The following CTXND2 variants were observed in gnomAD, a reference collection of about 807,000 sequenced individuals.
CTXND2 encodes the protein cortexin domain containing 2.
At chr1:150,899,494 G>C (rs1668964552) in intron 1 of CTXND2, among the ~76,000 whole-genome samples, 2 of 151,988 alleles carry the variant, frequency 1.3e-5, no homozygotes, top group South Asian at 2.1e-4. Flanking sequence ...AAATGGAAAA[G>C]AATGAAACCA....
chr1:150,903,294 T>A (rs1387538809), intron 1 of CTXND2, among the ~76,000 whole-genome samples: 4 of 152,028 alleles, frequency 2.6e-5, no homozygotes, highest in African/African-American at 9.7e-5. Flanking sequence ...TATAATTTTA[T>A]TATAAGTACT....
At chr1:150,892,805 C>G (rs1668870120) in intron 1 of CTXND2, among the ~76,000 whole-genome samples, 1 of 152,122 alleles carries the variant, frequency 6.6e-6, no homozygotes, top group Non-Finnish European at 1.5e-5. Context: ...TCCCAAAGTG[C>G]TAGGACTACG....
chr1:150,894,562 T>C (rs1414353653), intron 1 of CTXND2, among the ~76,000 whole-genome samples: 1 of 152,218 alleles, frequency 6.6e-6, no homozygotes, highest in African/African-American at 2.4e-5. Flanking sequence ...ATGCATATAA[T>C]GTATTTATTT....
At chr1:150,900,332 A>C (rs1668987345) in intron 1 of CTXND2, among the ~76,000 whole-genome samples, 1 of 152,070 alleles carries the variant, frequency 6.6e-6, no homozygotes, top group Admixed American at 6.6e-5. Context: ...TTCACTCCTA[A>C]AGTCAAGCAA....
intron 1 of CTXND2, among the ~76,000 whole-genome samples, chr1:150,911,294 C>T (rs996861414): frequency 2.0e-5 from 3 of 151,790 alleles, no homozygotes; most frequent in Admixed American, 2.0e-4. Context: ...TGTCTTTGTA[C>T]CAGTACCATA....
intron 1 of CTXND2, among the ~76,000 whole-genome samples, chr1:150,902,569 C>A (rs1669059388): frequency 1.3e-5 from 2 of 152,016 alleles, no homozygotes; most frequent in East Asian, 3.9e-4. Flanking sequence ...TGAGATTCAT[C>A]ACCTATAGGA....
intron 1 of CTXND2, among the ~76,000 whole-genome samples, chr1:150,902,404 CAA>C (rs796914143): frequency 5.6e-5 from 7 of 124,014 alleles, no homozygotes; most frequent in Admixed American, 8.3e-5. Flanking sequence ...GAGACTGCCT[CAA>C]AAAAAAAAAA....
At chr1:150,910,453 C>CA (rs1056251826) in intron 1 of CTXND2, among the ~76,000 whole-genome samples, 13 of 151,252 alleles carry the variant, frequency 8.6e-5, no homozygotes, top group East Asian at 1.9e-4. Context: ...TCTGTTGAAA[C>CA]AAAAAAAACT....
chr1:150,890,200 C>G, intron 1 of CTXND2, among the ~76,000 whole-genome samples: 1 of 152,106 alleles, frequency 6.6e-6, no homozygotes. Context: ...ACCACATCCT[C>G]TGAGAAACCA....
intron 1 of CTXND2, among the ~76,000 whole-genome samples, chr1:150,892,008 T>C (rs1668857923): frequency 6.6e-6 from 1 of 152,134 alleles, no homozygotes; most frequent in Non-Finnish European, 1.5e-5. Context: ...ATACTAGAAA[T>C]TTGTGATAAG....
intron 1 of CTXND2, among the ~76,000 whole-genome samples, chr1:150,903,226 C>T (rs1048536496): frequency 6.6e-6 from 1 of 151,938 alleles, no homozygotes; most frequent in Admixed American, 6.6e-5. Flanking sequence ...AAAAATCACC[C>T]TTCTGTTAAG....
intron 1 of CTXND2, among the ~76,000 whole-genome samples, chr1:150,911,237 C>T (rs1414718091): frequency 6.6e-6 from 1 of 151,980 alleles, no homozygotes; most frequent in Non-Finnish European, 1.5e-5. Flanking sequence ...CGTGAGCCAC[C>T]GTGCCTGGCC....
intron 1 of CTXND2, among the ~76,000 whole-genome samples, chr1:150,911,653 G>A (rs192592931): frequency 1.1e-4 from 16 of 151,832 alleles, no homozygotes; most frequent in African/African-American, 3.6e-4. Flanking sequence ...GGCTGTTCTC[G>A]AACTCCTGAC....
At chr1:150,899,727 G>A (rs1417625835) in intron 1 of CTXND2, among the ~76,000 whole-genome samples, 3 of 152,164 alleles carry the variant, frequency 2.0e-5, no homozygotes, top group Non-Finnish European at 4.4e-5. Flanking sequence ...GGAGGCCAAG[G>A]TGGGCAGATT....
chr1:150,888,117 T>G (rs934526364), intron 1 of CTXND2, among the ~76,000 whole-genome samples: 1 of 152,038 alleles, frequency 6.6e-6, no homozygotes, highest in Non-Finnish European at 1.5e-5. Flanking sequence ...AGATTTTAGC[T>G]CTACCATTTT....
chr1:150,891,764 C>T (rs1451211363), intron 1 of CTXND2, among the ~76,000 whole-genome samples: 1 of 152,154 alleles, frequency 6.6e-6, no homozygotes, highest in African/African-American at 2.4e-5. Flanking sequence ...CCTGGAATAT[C>T]TTCTTTCCTT....
chr1:150,900,602 TGC>T (rs1668999255), intron 1 of CTXND2, among the ~76,000 whole-genome samples: 1 of 152,078 alleles, frequency 6.6e-6, no homozygotes, highest in East Asian at 1.9e-4. Context: ...CAGCTGAGAT[TGC>T]TCCACTGCAT....
chr1:150,896,153 A>C (rs904164509), intron 1 of CTXND2, among the ~76,000 whole-genome samples: 1 of 152,178 alleles, frequency 6.6e-6, no homozygotes, highest in African/African-American at 2.4e-5. Flanking sequence ...GGTAGGGGGA[A>C]TATGTGAGGT....
chr1:150,900,847 C>T (rs587689347), intron 1 of CTXND2, among the ~76,000 whole-genome samples: 49 of 152,076 alleles, frequency 3.2e-4, no homozygotes, highest in African/African-American at 1.0e-3. Context: ...AAAAACAATT[C>T]GAGACTGGGC....
Sources: gnomAD v4.1 joint callset for allele counts (sites outside exome capture counted in the v4.1 genomes callset) on GRCh38, gnomAD v4.1.1 for gene constraint, MANE v1.5 for transcripts, NCBI Gene and HGNC (gene_info 2026-07-23, HGNC 2026-07-21) for gene names.